Variants in ATRNL1 observed in about 807,000 individuals in gnomAD.
The protein encoded by ATRNL1 is attractin-like protein 1.
A neutral mutation model predicts 182.7 loss-of-function variants in ATRNL1; 95 were observed. That is an observed-to-expected ratio of 0.52 (90% confidence interval 0.44 to 0.62). ATRNL1 has a LOEUF of 0.62. Among genes scored for constraint, ATRNL1 ranks in the 20% least tolerant of loss-of-function variants. ATRNL1 has a pLI of 0.00. For synonymous variants in ATRNL1, 576 were observed against 568.3 expected (o/e 1.01, Z -0.19); for missense variants, 1,471 against 1,679.5 (o/e 0.88, Z 2.17).
intron 7 of ATRNL1, among the ~76,000 whole-genome samples, chr10:115,166,832 C>G (rs782783726): frequency 2.0e-5 from 3 of 151,790 alleles, no homozygotes; most frequent in Non-Finnish European, 4.4e-5. Flanking sequence ...AGATATTTTC[C>G]CCCTTTATGG....
intron 28 of ATRNL1, among the ~76,000 whole-genome samples, chr10:115,876,214 G>A (rs1555107199): frequency 6.6e-6 from 1 of 151,998 alleles, no homozygotes; most frequent in African/African-American, 2.4e-5. Flanking sequence ...CCACTTCTTG[G>A]GTGTTTTATC....
chr10:115,537,509 T>C (rs553154618), intron 25 of ATRNL1, among the ~76,000 whole-genome samples: 18 of 152,336 alleles, frequency 1.2e-4, no homozygotes, highest in African/African-American at 4.1e-4. Flanking sequence ...TGTATCAATA[T>C]ATTATATGTA....
At chr10:115,358,791 C>A (rs1389551838) in intron 19 of ATRNL1, among the ~76,000 whole-genome samples, 1 of 151,564 alleles carries the variant, frequency 6.6e-6, no homozygotes, top group Admixed American at 6.6e-5. Context: ...TTCTTTGACT[C>A]TCACATGCAA....
chr10:115,198,119 C>T (rs1848429933), intron 8 of ATRNL1, among the ~76,000 whole-genome samples: 1 of 152,108 alleles, frequency 6.6e-6, no homozygotes, highest in Non-Finnish European at 1.5e-5. Context: ...GGGCGTACTT[C>T]TTCCCACCAA....
chr10:115,536,469 G>T (rs974810120), intron 25 of ATRNL1, among the ~76,000 whole-genome samples: 2 of 152,138 alleles, frequency 1.3e-5, no homozygotes, highest in Admixed American at 6.5e-5. Context: ...TCGGAAATGC[G>T]CAGTATTGGG....
At chr10:115,800,546 G>A (rs1260743541) in intron 27 of ATRNL1, among the ~76,000 whole-genome samples, 3 of 152,032 alleles carry the variant, frequency 2.0e-5, no homozygotes, top group African/African-American at 7.3e-5. Flanking sequence ...GGAAAGAGTT[G>A]CTTCTAGCCT....
intron 26 of ATRNL1, among the ~76,000 whole-genome samples, chr10:115,592,424 T>C (rs1855966793): frequency 6.6e-6 from 1 of 152,230 alleles, no homozygotes; most frequent in African/African-American, 2.4e-5. Context: ...GCTTTTACTA[T>C]AGTCACAAAA....
intron 8 of ATRNL1, among the ~76,000 whole-genome samples, chr10:115,176,519 T>G (rs1462491578): frequency 1.3e-5 from 2 of 152,044 alleles, no homozygotes; most frequent in Admixed American, 1.3e-4. Flanking sequence ...ATCTGTTGGA[T>G]TTTTTAAAAA....
intron 19 of ATRNL1, among the ~76,000 whole-genome samples, chr10:115,368,716 A>G (rs1310382750): frequency 1.4e-5 from 2 of 138,128 alleles, no homozygotes; most frequent in Non-Finnish European, 1.6e-5. Context: ...ATTCGATTCT[A>G]TTTTTTTTTT....
chr10:115,214,482 C>A (rs1379067881), intron 8 of ATRNL1, among the ~76,000 whole-genome samples: 3 of 151,846 alleles, frequency 2.0e-5, no homozygotes, highest in Non-Finnish European at 2.9e-5. Flanking sequence ...GCTTGGATGA[C>A]TTTTTTGGAT....
At chr10:115,467,150 C>G in intron 22 of ATRNL1, 24 bp from the exon 23 acceptor site, 1 of 1,535,768 alleles carries the variant, frequency 6.5e-7, no homozygotes, top group Non-Finnish European at 9.0e-7. Context: ...CGTTTTTTAA[C>G]CTTAATATTT....
chr10:115,217,190 G>A (rs1419483310), intron 9 of ATRNL1, among the ~76,000 whole-genome samples: 1 of 152,142 alleles, frequency 6.6e-6, no homozygotes, highest in Non-Finnish European at 1.5e-5. Flanking sequence ...CCACGTTCAA[G>A]CGATTCTCCT....
chr10:115,756,470 A>C (rs1295018853), intron 27 of ATRNL1, among the ~76,000 whole-genome samples: 2 of 152,060 alleles, frequency 1.3e-5, no homozygotes, highest in African/African-American at 4.8e-5. Flanking sequence ...GTAGTTGTGC[A>C]GTTTTGAGTG....
chr10:115,202,485 A>G (rs1287649013), intron 8 of ATRNL1, among the ~76,000 whole-genome samples: 1 of 152,198 alleles, frequency 6.6e-6, no homozygotes, highest in African/African-American at 2.4e-5. Context: ...ATCTATTGAG[A>G]TAATCATGTG....
At chr10:115,723,103 G>T (rs1947481371) in intron 26 of ATRNL1, among the ~76,000 whole-genome samples, 1 of 152,114 alleles carries the variant, frequency 6.6e-6, no homozygotes, top group Non-Finnish European at 1.5e-5. Flanking sequence ...ATAGGCTTTT[G>T]CCTTAAAGAA....
At chr10:115,764,832 C>T (rs1042891314) in intron 27 of ATRNL1, among the ~76,000 whole-genome samples, 42 of 152,046 alleles carry the variant, frequency 2.8e-4, no homozygotes, top group African/African-American at 9.7e-4. Flanking sequence ...GCCACCACAC[C>T]CAGCTAAGTT....
intron 19 of ATRNL1, among the ~76,000 whole-genome samples, chr10:115,371,978 C>A (rs1330189955): frequency 1.3e-5 from 2 of 152,118 alleles, no homozygotes; most frequent in African/African-American, 4.8e-5. Context: ...CTCACGAGAT[C>A]TGATGGTTTG....
chr10:115,793,832 G>A (rs1949587255), intron 27 of ATRNL1, among the ~76,000 whole-genome samples: 1 of 152,118 alleles, frequency 6.6e-6, no homozygotes, highest in East Asian at 1.9e-4. Context: ...TTTGTGGTGG[G>A]TGATGAAAAT....
At chr10:115,789,402 T>A (rs1252227674) in intron 27 of ATRNL1, among the ~76,000 whole-genome samples, 1 of 152,196 alleles carries the variant, frequency 6.6e-6, no homozygotes, top group African/African-American at 2.4e-5. Flanking sequence ...CCTGAATCGC[T>A]GCATCTCCTG....
Sources: gnomAD v4.1 joint callset for allele counts (sites outside exome capture counted in the v4.1 genomes callset) on GRCh38, gnomAD v4.1.1 for gene constraint, MANE v1.5 for transcripts, NCBI Gene and HGNC (gene_info 2026-07-23, HGNC 2026-07-21) for gene names.